The following MYO1E variants were observed in gnomAD, a reference collection of about 807,000 sequenced individuals.
The protein encoded by MYO1E is myosin IE.
MYO1E carries 68 observed loss-of-function variants against 151.1 expected under a neutral mutation model. That is an observed-to-expected ratio of 0.45 (90% CI 0.37 to 0.55). The LOEUF is 0.55. MYO1E is among the 20% of genes least tolerant of loss of function. The probability of loss-of-function intolerance (pLI) is 0.00; values close to 1 mark genes in which losing one functional copy is unlikely to be tolerated. For synonymous variants in MYO1E, 601 were observed against 501.7 expected (o/e 1.20, Z -2.64); for missense variants, 1,363 against 1,389.3 (o/e 0.98, Z 0.30).
At chr15:59,189,774 G>A (rs1358444315) in intron 17 of MYO1E, among the ~76,000 whole-genome samples, 2 of 152,162 alleles carry the variant, frequency 1.3e-5, no homozygotes, top group African/African-American at 2.4e-5. Flanking sequence ...ACGGGGTTTC[G>A]CCATGTTGGC....
chr15:59,178,950 GC>G (rs528363718), intron 18 of MYO1E, among the ~76,000 whole-genome samples: 117 of 152,296 alleles, frequency 7.7e-4, no homozygotes, highest in African/African-American at 2.7e-3. Flanking sequence ...TAAAGCTCCT[GC>G]TAAACAGCTA....
intron 12 of MYO1E, among the ~76,000 whole-genome samples, chr15:59,213,379 C>T (rs2079892998): frequency 6.6e-6 from 1 of 151,906 alleles, no homozygotes; most frequent in Non-Finnish European, 1.5e-5. Flanking sequence ...TCATGTTGGC[C>T]AGGCTGGTCT....
intron 26 of MYO1E, among the ~76,000 whole-genome samples, chr15:59,140,781 G>T (rs890513922): frequency 2.2e-4 from 34 of 152,172 alleles, no homozygotes; most frequent in Admixed American, 1.9e-3. Context: ...GTGGTGGACT[G>T]TCCCCAGGAG....
chr15:59,262,031 G>A lies in MYO1E; in HGVS notation c.148-522C>T, dbSNP rs544161058. Among the ~76,000 whole-genome samples, 45 of 152,022 alleles carry A rather than the reference G, an allele frequency of 3.0e-4. 1 individual carries two copies. The highest frequency in any genetic ancestry group is 9.6e-4 in the African/African-American group (40 of 41,496). ...AGCCTGGCCGACATGGTGAAACTCCGTCTCTACTAAAAATACAAAAATTAG... is the reference window on the plus strand; with the variant it reads ...AGCCTGGCCGACATGGTGAAACTCCATCTCTACTAAAAATACAAAAATTAG... On this transcript the variant is annotated intron_variant, in intron 2 of 27. Coordinates refer to ENST00000288235, the MANE Select transcript of MYO1E (RefSeq NM_004998.4).
At chr15:59,325,804 A>G (rs2080660052) in intron 1 of MYO1E, among the ~76,000 whole-genome samples, 1 of 152,152 alleles carries the variant, frequency 6.6e-6, no homozygotes, top group African/African-American at 2.4e-5. Flanking sequence ...GCTCAATGTC[A>G]GCCCACGCAA....
At chr15:59,204,125 A>G (rs2079818504) in intron 15 of MYO1E, among the ~76,000 whole-genome samples, 1 of 152,222 alleles carries the variant, frequency 6.6e-6, no homozygotes. Context: ...TGACTGCCAT[A>G]AAACCCACAA....
At chr15:59,142,043 CT>C (rs1445813893) in intron 26 of MYO1E, among the ~76,000 whole-genome samples, 1 of 149,308 alleles carries the variant, frequency 6.7e-6, no homozygotes, top group Admixed American at 6.7e-5. Flanking sequence ...GGAGGCGGAG[CT>C]TGCAGTGAGC....
chr15:59,323,745 G>C (rs2080643680), intron 1 of MYO1E, among the ~76,000 whole-genome samples: 1 of 152,152 alleles, frequency 6.6e-6, no homozygotes, highest in Non-Finnish European at 1.5e-5. Context: ...TGTGCTACAG[G>C]GCCCCAGCAC....
At chr15:59,163,589 TA>T (rs1311408225) in intron 22 of MYO1E, among the ~76,000 whole-genome samples, 2 of 151,560 alleles carry the variant, frequency 1.3e-5, no homozygotes, top group East Asian at 1.9e-4. Context: ...TAGCCCATAT[TA>T]AAAAAAAATC....
chr15:59,308,166 T>C (rs2080526479), intron 1 of MYO1E, among the ~76,000 whole-genome samples: 1 of 131,104 alleles, frequency 7.6e-6, no homozygotes, highest in Non-Finnish European at 1.5e-5. Context: ...GAGGTTGCAG[T>C]AAGCCAAGAT....
chr15:59,190,440 A>G (rs1471179388), intron 17 of MYO1E, among the ~76,000 whole-genome samples: 1 of 152,190 alleles, frequency 6.6e-6, no homozygotes, highest in Non-Finnish European at 1.5e-5. Flanking sequence ...TCTTCCCAGT[A>G]AGGCTCTCAC....
At chr15:59,167,903 G>T (rs922447150) in intron 22 of MYO1E, among the ~76,000 whole-genome samples, 2 of 151,964 alleles carry the variant, frequency 1.3e-5, no homozygotes, top group African/African-American at 4.8e-5. Context: ...GGTCTTGAAC[G>T]CCTGACCTCA....
chr15:59,271,873 A>G (rs544726279), intron 2 of MYO1E, among the ~76,000 whole-genome samples: 2 of 152,390 alleles, frequency 1.3e-5, no homozygotes, highest in Non-Finnish European at 2.9e-5. Context: ...TACCACGTGC[A>G]TGACTAGAGC....
intron 26 of MYO1E, among the ~76,000 whole-genome samples, chr15:59,152,540 C>T (rs1394103116): frequency 4.6e-5 from 7 of 152,274 alleles, no homozygotes; most frequent in Non-Finnish European, 8.8e-5. Flanking sequence ...CATGAAGTGA[C>T]GGGGGTCCTT....
intron 14 of MYO1E, 163 bp downstream of exon 14, chr15:59,208,518 C>A: frequency 1.3e-6 from 1 of 795,900 alleles, no homozygotes; most frequent in South Asian, 1.7e-5. Context: ...CAAAAAAATG[C>A]AGTAGTATAT....
chr15:59,306,066 C>G (rs1373010281), intron 1 of MYO1E, among the ~76,000 whole-genome samples: 1 of 152,184 alleles, frequency 6.6e-6, no homozygotes, highest in Admixed American at 6.5e-5. Context: ...ATTACAGCTG[C>G]ATATTCTCAG....
At chr15:59,310,677 C>A (rs1306179840) in intron 1 of MYO1E, among the ~76,000 whole-genome samples, 1 of 151,924 alleles carries the variant, frequency 6.6e-6, no homozygotes, top group Non-Finnish European at 1.5e-5. Flanking sequence ...TGTTTTAAGC[C>A]ACCAGTTCAT....
At chr15:59,342,069 T>G (rs533265347) in intron 1 of MYO1E, among the ~76,000 whole-genome samples, 2 of 152,336 alleles carry the variant, frequency 1.3e-5, no homozygotes, top group East Asian at 3.9e-4. Context: ...TAAAAGCCAT[T>G]TTTACTTGGG....
At chr15:59,214,514 GT>G in intron 11 of MYO1E, 125 bp downstream of exon 11, 1 of 1,053,326 alleles carries the variant, frequency 9.5e-7, no homozygotes, top group Non-Finnish European at 1.5e-6. Context: ...ATGAGCCTGA[GT>G]TGTTTTTTTT....
Sources: gnomAD v4.1 joint callset for allele counts (sites outside exome capture counted in the v4.1 genomes callset) on GRCh38, gnomAD v4.1.1 for gene constraint, MANE v1.5 for transcripts, NCBI Gene and HGNC (gene_info 2026-07-23, HGNC 2026-07-21) for gene names.